Variants in NRXN1 observed in about 807,000 individuals in gnomAD.
NRXN1 encodes the protein neurexin-1.
Under a neutral mutation model 150.9 loss-of-function variants are expected in NRXN1, and 39 were observed. That is an observed-to-expected ratio of 0.26 (90% CI 0.20 to 0.34). The LOEUF is 0.34. Ranked by LOEUF, NRXN1 falls within the 10% of genes least tolerant of loss-of-function variation. The probability of loss-of-function intolerance (pLI) is 1.00; values close to 1 mark genes in which losing one functional copy is unlikely to be tolerated. For missense variants in NRXN1, 1,815 were observed against 1,949.9 expected (o/e 0.93, Z 1.30); for synonymous variants, 924 against 757.0 (o/e 1.22, Z -3.62).
chr2:50,140,645 G>A (rs1423510438), intron 18 of NRXN1, among the ~76,000 whole-genome samples: 2 of 151,196 alleles, frequency 1.3e-5, no homozygotes, highest in East Asian at 3.9e-4. Context: ...CACTTTGTTC[G>A]ATATTCTGAG....
At chr2:50,610,932 G>C (rs1466346678) in intron 8 of NRXN1, among the ~76,000 whole-genome samples, 1 of 149,718 alleles carries the variant, frequency 6.7e-6, no homozygotes, top group Non-Finnish European at 1.5e-5. Flanking sequence ...TTTTAATAGA[G>C]ATGGGATTTC....
intron 16 of NRXN1, among the ~76,000 whole-genome samples, chr2:50,470,158 A>T (rs2104687538): frequency 6.6e-6 from 1 of 151,852 alleles, no homozygotes; most frequent in South Asian, 2.1e-4. Flanking sequence ...ATGTTCCATA[A>T]GGGATTGTAA....
rs1004178036 is a variant in NRXN1, at chr2:49,937,682, C to T, written c.4216+6022G>A. ...TAGCCTGGTACACAGGAGATGCTCT[C>T]GATGTTCCCTCAAATGGAACACTCA... is the stretch of plus-strand genomic sequence containing the variant. On this transcript the variant is annotated intron_variant, in intron 22 of 22. Transcript: ENST00000401669. Among the ~76,000 whole-genome samples the T allele has an allele frequency of 5.3e-5, 8 of 152,162 alleles. No homozygotes were observed. In the South Asian group the frequency reaches 1.4e-3, roughly 28 times the overall value.
At chr2:49,943,187 T>C (rs1204812118) in intron 22 of NRXN1, among the ~76,000 whole-genome samples, 1 of 152,168 alleles carries the variant, frequency 6.6e-6, no homozygotes, top group African/African-American at 2.4e-5. Context: ...GACTCAAATA[T>C]TTCTCTATTA....
intron 5 of NRXN1, among the ~76,000 whole-genome samples, chr2:50,787,333 G>C (rs777240792): frequency 6.6e-6 from 1 of 152,054 alleles, no homozygotes; most frequent in Non-Finnish European, 1.5e-5. Flanking sequence ...GCCGAGGTGA[G>C]TGGATCACCT....
At chr2:50,788,593 GAGAGAGAGAGAC>G (rs1406287344) in intron 5 of NRXN1, among the ~76,000 whole-genome samples, 2 of 151,738 alleles carry the variant, frequency 1.3e-5, no homozygotes, top group Admixed American at 1.3e-4. Context: ...ATGTGCGTGT[GAGAGAGAGAGAC>G]AGAGAGAGAG....
At chr2:50,207,071 A>G (rs933195179) in intron 18 of NRXN1, among the ~76,000 whole-genome samples, 1 of 152,084 alleles carries the variant, frequency 6.6e-6, no homozygotes, top group African/African-American at 2.4e-5. Flanking sequence ...GAAATTCATA[A>G]AAGTATGTTA....
chr2:50,759,580 G>A (rs930734224), intron 5 of NRXN1, among the ~76,000 whole-genome samples: 2 of 151,838 alleles, frequency 1.3e-5, no homozygotes, highest in African/African-American at 4.8e-5. Context: ...AAAAAGCATT[G>A]AAAATAATGC....
At chr2:50,658,464 A>G (rs1686828422) in intron 5 of NRXN1, among the ~76,000 whole-genome samples, 1 of 116,400 alleles carries the variant, frequency 8.6e-6, no homozygotes, top group South Asian at 3.0e-4. Context: ...CAATTACATA[A>G]TAGGAAGAAA....
chr2:50,687,637 TA>T (rs1691437309), intron 5 of NRXN1, among the ~76,000 whole-genome samples: 1 of 152,168 alleles, frequency 6.6e-6, no homozygotes, highest in African/African-American at 2.4e-5. Flanking sequence ...CACTAAGAAA[TA>T]AAATGCATGA....
intron 18 of NRXN1, among the ~76,000 whole-genome samples, chr2:50,135,706 A>AAAAACAAAAC (rs1300328704): frequency 1.2e-4 from 19 of 152,008 alleles, no homozygotes; most frequent in Non-Finnish European, 2.8e-4. Context: ...ACAAAAAACG[A>AAAAACAAAAC]AAAACAAAAC....
intron 5 of NRXN1, among the ~76,000 whole-genome samples, chr2:50,764,405 T>G (rs1702160136): frequency 6.6e-6 from 1 of 152,022 alleles, no homozygotes; most frequent in African/African-American, 2.4e-5. Flanking sequence ...AAATAAGTAT[T>G]CTTGTTAGAG....
At chr2:49,950,577 T>A (rs1673751830) in intron 21 of NRXN1, among the ~76,000 whole-genome samples, 1 of 152,028 alleles carries the variant, frequency 6.6e-6, no homozygotes, top group African/African-American at 2.4e-5. Flanking sequence ...CTGTTCTCTC[T>A]CTGTTCTGAG....
chr2:50,818,209 TG>T (rs1669216778), intron 5 of NRXN1, among the ~76,000 whole-genome samples: 2 of 150,914 alleles, frequency 1.3e-5, no homozygotes, highest in South Asian at 2.1e-4. Context: ...TTTTTATTCC[TG>T]AAAAAAAGAT....
intron 18 of NRXN1, among the ~76,000 whole-genome samples, chr2:50,176,015 T>C (rs2060333308): frequency 6.6e-6 from 1 of 152,140 alleles, no homozygotes; most frequent in Non-Finnish European, 1.5e-5. Flanking sequence ...CCTAGCCCCC[T>C]AAGCACTGTA....
intron 5 of NRXN1, among the ~76,000 whole-genome samples, chr2:50,871,386 C>A (rs1232667079): frequency 6.6e-6 from 1 of 151,828 alleles, no homozygotes; most frequent in African/African-American, 2.4e-5. Flanking sequence ...TTTAATATGG[C>A]TTTCTTTCAA....
At chr2:50,012,366 T>C (rs1279205456) in intron 21 of NRXN1, among the ~76,000 whole-genome samples, 2 of 152,146 alleles carry the variant, frequency 1.3e-5, no homozygotes, top group East Asian at 3.9e-4. Flanking sequence ...AGCATACTTA[T>C]GGAACAAATG....
At chr2:50,463,559 T>C (rs930081252) in intron 17 of NRXN1, among the ~76,000 whole-genome samples, 1 of 151,764 alleles carries the variant, frequency 6.6e-6, no homozygotes, top group African/African-American at 2.4e-5. Flanking sequence ...AAATAACGAA[T>C]AGCCTTATCA....
At chr2:50,947,468 T>C (rs373817834) in intron 2 of NRXN1, among the ~76,000 whole-genome samples, 19 of 152,154 alleles carry the variant, frequency 1.2e-4, no homozygotes, top group South Asian at 8.3e-4. Flanking sequence ...ATTACAGTTA[T>C]TCATTTCAAT....
Sources: gnomAD v4.1 joint callset for allele counts (sites outside exome capture counted in the v4.1 genomes callset) on GRCh38, gnomAD v4.1.1 for gene constraint, MANE v1.5 for transcripts, NCBI Gene and HGNC (gene_info 2026-07-23, HGNC 2026-07-21) for gene names.